Variants in ATP8A2 observed in about 807,000 individuals in gnomAD.
The protein encoded by ATP8A2 is phospholipid-transporting ATPase IB.
A neutral mutation model predicts 165.6 loss-of-function variants in ATP8A2; 100 were observed. The observed-to-expected ratio is 0.60, with a 90% CI of 0.51 to 0.71. ATP8A2 has a LOEUF of 0.71. Among genes scored for constraint, ATP8A2 ranks in the 30% least tolerant of loss-of-function variants. The pLI is 0.00. For synonymous variants in ATP8A2, 543 were observed against 548.8 expected (o/e 0.99, Z 0.15); for missense variants, 1,227 against 1,479.5 (o/e 0.83, Z 2.80).
intron 25 of ATP8A2, among the ~76,000 whole-genome samples, chr13:25,700,435 T>G (rs1046930844): frequency 2.0e-5 from 3 of 152,168 alleles, no homozygotes; most frequent in Non-Finnish European, 4.4e-5. Context: ...CCTGCACGCC[T>G]TCACCCCCAT....
chr13:25,715,128 T>C (rs1370568110), intron 25 of ATP8A2, among the ~76,000 whole-genome samples: 1 of 152,208 alleles, frequency 6.6e-6, no homozygotes, highest in Non-Finnish European at 1.5e-5. Context: ...AATCAGTTCA[T>C]TAGGTTAGTG....
chr13:25,667,422 A>T (rs774510060), intron 24 of ATP8A2, among the ~76,000 whole-genome samples: 1 of 152,112 alleles, frequency 6.6e-6, no homozygotes, highest in Non-Finnish European at 1.5e-5. Flanking sequence ...AGGAGAATGG[A>T]TTAATTTTCA....
At chr13:25,950,901 G>A (rs576021886) in intron 33 of ATP8A2, 3 of 152,302 alleles carry the variant, frequency 2.0e-5, no homozygotes, top group Admixed American at 1.3e-4. Context: ...AGCTCACAGG[G>A]TGGTGGGAAG....
intron 28 of ATP8A2, among the ~76,000 whole-genome samples, chr13:25,836,045 T>G (rs1049591559): frequency 9.9e-5 from 15 of 152,266 alleles, no homozygotes; most frequent in African/African-American, 3.4e-4. Context: ...AAAAAGTGAT[T>G]GGTTGTTTCA....
intron 1 of ATP8A2, among the ~76,000 whole-genome samples, chr13:25,410,912 T>A (rs1258852908): frequency 1.3e-5 from 2 of 152,210 alleles, no homozygotes; most frequent in South Asian, 4.1e-4. Context: ...CTTTAACCAT[T>A]TTCCTTTGTT....
chr13:25,589,792 T>C (rs2040020986), intron 24 of ATP8A2, 93 bp downstream of exon 24: 1 of 767,840 alleles, frequency 1.3e-6, no homozygotes, highest in Admixed American at 2.5e-5. Flanking sequence ...CATGTTTTGC[T>C]AAAAAACAGT....
chr13:25,439,626 C>A lies in ATP8A2; in HGVS notation c.77-29351C>A, dbSNP rs1404352607. On this transcript the variant is annotated intron_variant, in intron 1 of 36. Transcript: ENST00000381655. ...ATATGTTTTCTATGTAAATGTTAACCAAGGCCAGGCACAGCAGCTCATGCC... is the reference window on the plus strand; with the variant it reads ...ATATGTTTTCTATGTAAATGTTAACAAAGGCCAGGCACAGCAGCTCATGCC... Among the ~76,000 whole-genome samples the A allele has an allele frequency of 3.3e-5, 5 of 152,092 alleles. No individual in the cohort carries two copies. In the East Asian group the frequency reaches 7.7e-4, roughly 23 times the overall value.
chr13:25,503,516 C>T (rs988639125), intron 2 of ATP8A2, among the ~76,000 whole-genome samples: 3 of 152,068 alleles, frequency 2.0e-5, no homozygotes, highest in Admixed American at 6.5e-5. Flanking sequence ...TTGGAGGATC[C>T]AAATCCACAA....
chr13:25,893,981 G>C (rs975486692), intron 33 of ATP8A2, among the ~76,000 whole-genome samples: 10 of 152,158 alleles, frequency 6.6e-5, no homozygotes, highest in African/African-American at 2.4e-4. Flanking sequence ...CATTCTGTAG[G>C]ATGCCTGTTC....
intron 33 of ATP8A2, among the ~76,000 whole-genome samples, chr13:25,866,257 G>A (rs1952506699): frequency 6.6e-6 from 1 of 152,136 alleles, no homozygotes; most frequent in African/African-American, 2.4e-5. Context: ...GTAACCATTG[G>A]CAAATCATTT....
chr13:25,589,130 TAAC>T (rs2040001245), intron 23 of ATP8A2, among the ~76,000 whole-genome samples: 1 of 152,124 alleles, frequency 6.6e-6, no homozygotes, highest in African/African-American at 2.4e-5. Flanking sequence ...CTTTTTAAAA[TAAC>T]AACCAAAGAA....
intron 33 of ATP8A2, among the ~76,000 whole-genome samples, chr13:25,887,344 CT>C (rs1216490426): frequency 2.0e-4 from 29 of 146,640 alleles, no homozygotes; most frequent in South Asian, 2.2e-4. Flanking sequence ...CAGTCCAACT[CT>C]TTTTTTTTTT....
chr13:25,421,369 C>T (rs1342956530), intron 1 of ATP8A2, among the ~76,000 whole-genome samples: 1 of 152,212 alleles, frequency 6.6e-6, no homozygotes, highest in Non-Finnish European at 1.5e-5. Context: ...GGGTCTCTCT[C>T]TGTTGCCCAG....
chr13:25,436,326 A>T (rs560962656), intron 1 of ATP8A2, among the ~76,000 whole-genome samples: 1 of 151,966 alleles, frequency 6.6e-6, no homozygotes, highest in Non-Finnish European at 1.5e-5. Flanking sequence ...CGTGTACTCA[A>T]TGTTTAGCTC....
chr13:25,564,070 T>G, intron 16 of ATP8A2, 39 bp downstream of exon 16: 1 of 1,446,224 alleles, frequency 6.9e-7, no homozygotes, highest in Non-Finnish European at 9.7e-7. Context: ...GCAAACAGCT[T>G]ACGGTGCAAC....
intron 33 of ATP8A2, among the ~76,000 whole-genome samples, chr13:25,943,786 C>T (rs147028923): frequency 1.3e-5 from 2 of 152,236 alleles, no homozygotes; most frequent in African/African-American, 4.8e-5. Flanking sequence ...AACCTGGCTG[C>T]CTGTGTAGAC....
chr13:25,809,752 A>C (rs1455823795), intron 27 of ATP8A2, among the ~76,000 whole-genome samples: 1 of 152,072 alleles, frequency 6.6e-6, no homozygotes, highest in East Asian at 1.9e-4. Context: ...TCACTGGTCC[A>C]TAGGTGCCTT....
intron 24 of ATP8A2, among the ~76,000 whole-genome samples, chr13:25,697,739 A>G (rs1190635088): frequency 1.3e-5 from 2 of 152,226 alleles, no homozygotes; most frequent in African/African-American, 4.8e-5. Context: ...CTTTTTACAC[A>G]TAAGAAAATG....
intron 1 of ATP8A2, among the ~76,000 whole-genome samples, chr13:25,465,214 T>A (rs1326058809): frequency 6.6e-6 from 1 of 152,254 alleles, no homozygotes; most frequent in Non-Finnish European, 1.5e-5. Flanking sequence ...AATGTTTCCT[T>A]AGGCAATATG....
Sources: allele counts gnomAD v4.1 joint callset (sites outside exome capture counted in the v4.1 genomes callset), GRCh38; gene constraint gnomAD v4.1.1; transcripts MANE v1.5; gene names NCBI Gene and HGNC (gene_info 2026-07-23, HGNC 2026-07-21).